CYSLTR1: variants seen among roughly 807,000 people sequenced by gnomAD.
CYSLTR1 encodes the protein G-protein coupled receptor HG55.
Under a neutral mutation model 2.1 loss-of-function variants are expected in CYSLTR1, and 1 was observed. The ratio of observed to expected loss-of-function variants is 0.48; its 90% CI spans 0.17 to 2.28. The LOEUF is 2.28. CYSLTR1 is among the 30% of genes most tolerant of loss of function. CYSLTR1 has a pLI of 0.26. For synonymous variants in CYSLTR1, 110 were observed against 89.6 expected (o/e 1.23, Z -1.28); for missense variants, 299 against 250.1 (o/e 1.20, Z -1.32).
Position 78,273,449 on chromosome X carries a change from T to C in CYSLTR1, c.298A>G (p.Thr100Ala). The C allele has an allele frequency of 8.3e-7, 1 of 1,211,661 alleles. No homozygotes were observed. Among genetic ancestry groups the C allele is most frequent in the Non-Finnish European group, 1.1e-6 (1 of 895,457 alleles). ...LFGDFLCRLS[T>A]YALYVNLYCS... ...TAGAGGTTGACATACAAAGCATAGG[T>C]GCTGAGGCGGCACAAGAAGTCACCA... The change falls in exon 3 of 3, where the codon ACC (threonine) becomes GCC (alanine). Residue 100 changes from threonine to alanine, a missense_variant. Physicochemically the swap from Thr to Ala is moderately conservative, Grantham distance 58. Coordinates refer to ENST00000373304, the MANE Select transcript of CYSLTR1 (RefSeq NM_006639.4).
At chrX:78,287,475 C>A (rs1224762865) in intron 1 of CYSLTR1, among the ~76,000 whole-genome samples, 1 of 111,333 alleles carries the variant, frequency 9.0e-6, no homozygotes, top group Non-Finnish European at 1.9e-5. Flanking sequence ...TCTAAAATTG[C>A]ATTGTGGTGA....
intron 1 of CYSLTR1, chrX:78,320,153 C>T (rs1923583568): frequency 8.9e-6 from 1 of 112,079 alleles, no homozygotes; most frequent in Non-Finnish European, 1.9e-5. Context: ...GTTGCCATTG[C>T]TTTTGGTGTT....
chrX:78,284,943 T>G (rs948692699), intron 1 of CYSLTR1, among the ~76,000 whole-genome samples: 3 of 111,371 alleles, frequency 2.7e-5, no homozygotes, highest in African/African-American at 9.8e-5. Flanking sequence ...TGTTCCTTTT[T>G]CTCTAGGTAA....
At chrX:78,311,665 T>A (rs986871050) in intron 1 of CYSLTR1, among the ~76,000 whole-genome samples, 3 of 111,856 alleles carry the variant, frequency 2.7e-5, no homozygotes, top group African/African-American at 9.7e-5. Context: ...TGTACAAAAA[T>A]CAGTCACATT....
intron 1 of CYSLTR1, among the ~76,000 whole-genome samples, chrX:78,293,690 T>C (rs1380817108): frequency 9.0e-6 from 1 of 111,730 alleles, no homozygotes; most frequent in African/African-American, 3.3e-5. Flanking sequence ...TTTACCCTTT[T>C]TTTCTCTAAA....
chrX:78,322,825 C>G lies in CYSLTR1; in HGVS notation c.-115+4480G>C, dbSNP rs142710317. Among the ~76,000 whole-genome samples the G allele has an allele frequency of 9.3e-3, 1,037 of 111,524 alleles. 37 individuals are homozygous for G. Among genetic ancestry groups the G allele is most frequent in the Admixed American group, 0.09 (945 of 10,460 alleles). On this transcript the variant is annotated intron_variant, in intron 1 of 2. Transcript: ENST00000373304. ...AGCTCTCAGGTGTTTCTTCTGTAGT[C>G]TCTTATTCTCCTTAAGAGGAGAACG...
chrX:78,325,776 G>T (rs777777686), intron 1 of CYSLTR1, among the ~76,000 whole-genome samples: 1 of 112,098 alleles, frequency 8.9e-6, no homozygotes, highest in African/African-American at 3.2e-5. Flanking sequence ...ACAAGGTTGG[G>T]TATGTACCTT....
At chrX:78,284,274 C>T (rs1026953135) in intron 1 of CYSLTR1, among the ~76,000 whole-genome samples, 23 of 112,190 alleles carry the variant, frequency 2.1e-4, no homozygotes, top group Admixed American at 9.4e-4. Context: ...TTTTTGTTGT[C>T]CTATGGCAAC....
intron 1 of CYSLTR1, among the ~76,000 whole-genome samples, chrX:78,299,188 T>C (rs1922709070): frequency 9.0e-6 from 1 of 111,566 alleles, no homozygotes; most frequent in Admixed American, 9.5e-5. Flanking sequence ...CTTAACTTTA[T>C]CCCACAACTT....
chrX:78,285,061 A>T (rs5912578), intron 1 of CYSLTR1, among the ~76,000 whole-genome samples: 1,550 of 110,732 alleles, frequency 0.014, 6 homozygotes, highest in Middle Eastern at 0.033. Flanking sequence ...CAATAAACAT[A>T]TTTTTTTTAA....
At chrX:78,312,361 C>A (rs1348480487) in intron 1 of CYSLTR1, among the ~76,000 whole-genome samples, 3 of 111,513 alleles carry the variant, frequency 2.7e-5, no homozygotes, top group Non-Finnish European at 3.8e-5. Flanking sequence ...AAACCTCGAA[C>A]CTTAAAATAC....
intron 1 of CYSLTR1, chrX:78,321,134 C>T (rs1923637855): frequency 1.3e-5 from 1 of 76,628 alleles, no homozygotes; most frequent in Admixed American, 1.5e-4. Context: ...GAGGAAGGAG[C>T]ACGTGTGTGT....
rs980328792 is a variant in CYSLTR1 at position 78,301,826 on chromosome X, C to T, written c.-114-18286G>A. Among the ~76,000 whole-genome samples, 3 of 111,782 alleles carry T rather than the reference C, an allele frequency of 2.7e-5. No individual in the cohort carries two copies. In the East Asian group the frequency reaches 8.4e-4, roughly 31 times the overall value. ...TTTTCATGCTGCTGATAAAGGCATA[C>T]CTGAGACTGGGTAATCTATAATGAA... On this transcript the variant is annotated intron_variant, in intron 1 of 2. Transcript: ENST00000373304.
Position 78,321,867 on chromosome X carries a change from A to G in CYSLTR1, c.-115+5438T>C, listed in dbSNP as rs150005905. On this transcript the variant is annotated intron_variant, in intron 1 of 2. Transcript: ENST00000373304. ...ATAGCAGAGACAAAAAGATTAAATC[A>G]GTATCTGGATGTACTTTCATGATTC... 7.2e-5 allele frequency among the ~76,000 whole-genome samples: 8 copies of G among 111,612 alleles called. No individual in the cohort carries two copies. In the East Asian group the frequency reaches 1.7e-3, roughly 24 times the overall value.
chrX:78,296,417 T>C (rs1382263983), intron 1 of CYSLTR1, among the ~76,000 whole-genome samples: 2 of 112,190 alleles, frequency 1.8e-5, no homozygotes, highest in Non-Finnish European at 3.8e-5. Flanking sequence ...AGCATTGTTT[T>C]TTCTATTTCT....
intron 1 of CYSLTR1, among the ~76,000 whole-genome samples, chrX:78,297,824 A>AT (rs1236351252): frequency 1.8e-5 from 2 of 111,265 alleles, no homozygotes; most frequent in Admixed American, 1.9e-4. Context: ...CAAAAAACTG[A>AT]TTTTTTGTTT....
chrX:78,318,377 G>A (rs1469157028), intron 1 of CYSLTR1, among the ~76,000 whole-genome samples: 1 of 111,601 alleles, frequency 9.0e-6, no homozygotes, highest in Non-Finnish European at 1.9e-5. Context: ...ACACACTGGG[G>A]CCTATTGGAG....
intron 1 of CYSLTR1, among the ~76,000 whole-genome samples, chrX:78,313,873 C>T (rs749855201): frequency 1.8e-5 from 2 of 111,837 alleles, no homozygotes; most frequent in East Asian, 5.6e-4. Context: ...GGAGAACTGT[C>T]TAAGAGGTTG....
chrX:78,284,673 A>G (rs960740186), intron 1 of CYSLTR1, among the ~76,000 whole-genome samples: 4 of 108,821 alleles, frequency 3.7e-5, no homozygotes, highest in Non-Finnish European at 7.6e-5. Context: ...AAGTGCTGGG[A>G]CTGCAGGCAT....
Sources: gnomAD v4.1 joint callset for allele counts (sites outside exome capture counted in the v4.1 genomes callset) on GRCh38, gnomAD v4.1.1 for gene constraint, MANE v1.5 for transcripts, NCBI Gene and HGNC (gene_info 2026-07-23, HGNC 2026-07-21) for gene names.